CPS1: variants seen among roughly 807,000 people sequenced by gnomAD.
CPS1 encodes the protein carbamoyl-phosphate synthase 1.
Under a neutral mutation model 174.6 loss-of-function variants are expected in CPS1, and 109 were observed. That is an observed-to-expected ratio of 0.62 (90% CI 0.53 to 0.73). The LOEUF is 0.73. CPS1 is among the 30% of genes least tolerant of loss of function. The probability of loss-of-function intolerance (pLI) is 0.00; values close to 1 mark genes in which losing one functional copy is unlikely to be tolerated. For synonymous variants in CPS1, 637 were observed against 632.0 expected (o/e 1.01, Z -0.12); for missense variants, 1,689 against 1,821.9 (o/e 0.93, Z 1.33).
In CPS1 at chr2:210,599,413, A is replaced by G. The variant is rs769809767; in HGVS notation, c.1401A>G (p.Ala467=). 4 of 1,612,524 alleles carry G rather than the reference A, an allele frequency of 2.5e-6. No homozygotes were observed. Among genetic ancestry groups the G allele is most frequent in the Non-Finnish European group, 2.5e-6 (3 of 1,178,998 alleles). The change falls in exon 14 of 38, where the codon GCA becomes GCG. Residue 467 remains alanine (A), a synonymous_variant. Coordinates refer to ENST00000233072, the MANE Select transcript of CPS1 (RefSeq NM_001875.5). Reference sequence around the variant, plus strand: ...CTGTTCTGATGAACCCAAACATTGCATCAGTCCAGACCAATGAGGTGGGCT... The same window carrying G: ...CTGTTCTGATGAACCCAAACATTGCGTCAGTCCAGACCAATGAGGTGGGCT... ...VKTVLMNPNI[A]SVQTNEVGLK...
intron 1 of CPS1, among the ~76,000 whole-genome samples, chr2:210,497,893 CATATATATATATAT>C (rs59178446): frequency 2.3e-5 from 2 of 86,940 alleles, no homozygotes; most frequent in Non-Finnish European, 4.6e-5. Flanking sequence ...TATATACATA[CATATATATATATAT>C]ATATATATAT....
intron 1 of CPS1, among the ~76,000 whole-genome samples, chr2:210,490,443 A>G (rs975744676): frequency 6.6e-6 from 1 of 152,212 alleles, no homozygotes; most frequent in African/African-American, 2.4e-5. Context: ...ATCCATAAGT[A>G]TGTACCAAGT....
chr2:210,492,206 T>G (rs780978442), intron 1 of CPS1, among the ~76,000 whole-genome samples: 5 of 152,344 alleles, frequency 3.3e-5, no homozygotes, highest in Middle Eastern at 6.8e-3. Flanking sequence ...ATAGCAGCAT[T>G]TGCTGGCTGG....
intron 6 of CPS1, among the ~76,000 whole-genome samples, chr2:210,586,977 A>G (rs1321395303): frequency 6.6e-6 from 1 of 152,052 alleles, no homozygotes; most frequent in Non-Finnish European, 1.5e-5. Context: ...AAGGTTAAGA[A>G]AAGATCTATA....
chr2:210,672,951 GCTCAGAAA>G (rs1374437806), intron 34 of CPS1: 1 of 152,144 alleles, frequency 6.6e-6, no homozygotes, highest in Non-Finnish European at 1.5e-5. Flanking sequence ...TTAGATCTGT[GCTCAGAAA>G]TACTCTGCAA....
chr2:210,615,416 GTC>G (rs921980479), intron 20 of CPS1, among the ~76,000 whole-genome samples: 1 of 151,846 alleles, frequency 6.6e-6, no homozygotes, highest in African/African-American at 2.4e-5. Flanking sequence ...TATAATCATG[GTC>G]TCTCTGATAC....
intron 1 of CPS1, among the ~76,000 whole-genome samples, chr2:210,494,112 T>C (rs1185144494): frequency 2.0e-5 from 3 of 152,204 alleles, no homozygotes; most frequent in Non-Finnish European, 4.4e-5. Flanking sequence ...GAAGGTAGCT[T>C]GGCATCTGCT....
intron 1 of CPS1, among the ~76,000 whole-genome samples, chr2:210,517,334 G>A (rs1160016176): frequency 6.6e-6 from 1 of 151,904 alleles, no homozygotes; most frequent in South Asian, 2.1e-4. Flanking sequence ...GCTAGCACAG[G>A]CATAGGTCAG....
chr2:210,554,678 T>C (rs528825701), upstream of CPS1, among the ~76,000 whole-genome samples: 9 of 152,012 alleles, frequency 5.9e-5, no homozygotes, highest in African/African-American at 2.2e-4. Context: ...CACACCAGCA[T>C]GGCACATGTA....
intron 1 of CPS1, among the ~76,000 whole-genome samples, chr2:210,518,795 G>GT (rs1423980655): frequency 6.6e-6 from 1 of 152,046 alleles, no homozygotes; most frequent in East Asian, 1.9e-4. Context: ...TGACAATTAC[G>GT]TGTTTCCTAA....
intron 2 of CPS1, among the ~76,000 whole-genome samples, chr2:210,575,329 AG>A (rs1697656585): frequency 6.6e-6 from 1 of 152,062 alleles, no homozygotes; most frequent in Admixed American, 6.6e-5. Flanking sequence ...TCCACAAAAA[AG>A]GATTTAGCTT....
chr2:210,652,402 G>A (rs1700585343), intron 28 of CPS1, among the ~76,000 whole-genome samples: 1 of 152,142 alleles, frequency 6.6e-6, no homozygotes, highest in African/African-American at 2.4e-5. Flanking sequence ...AGAGGTGAGT[G>A]AGTTGTTGCT....
At chr2:210,665,295 G>A (rs1268550389) in intron 33 of CPS1, among the ~76,000 whole-genome samples, 1 of 151,678 alleles carries the variant, frequency 6.6e-6, no homozygotes, top group African/African-American at 2.4e-5. Flanking sequence ...AATGAATTTA[G>A]CCATCAGTGG....
chr2:210,631,572 T>G (rs1488525625), intron 21 of CPS1, among the ~76,000 whole-genome samples: 1 of 152,176 alleles, frequency 6.6e-6, no homozygotes, highest in African/African-American at 2.4e-5. Flanking sequence ...TTTAAGACAT[T>G]TTTTTCACCT....
intron 1 of CPS1, among the ~76,000 whole-genome samples, chr2:210,493,384 A>G (rs1694917467): frequency 6.6e-6 from 1 of 152,180 alleles, no homozygotes; most frequent in African/African-American, 2.4e-5. Context: ...AAAGTAATAC[A>G]ATTTTTCTTC....
chr2:210,535,462 T>C (rs1021739613), intron 1 of CPS1, among the ~76,000 whole-genome samples: 2 of 152,218 alleles, frequency 1.3e-5, no homozygotes, highest in Non-Finnish European at 2.9e-5. Flanking sequence ...AGTTTTATAC[T>C]ATAAATGCTA....
intron 21 of CPS1, among the ~76,000 whole-genome samples, chr2:210,631,751 A>G (rs1221828183): frequency 1.3e-5 from 2 of 152,200 alleles, no homozygotes; most frequent in Non-Finnish European, 2.9e-5. Flanking sequence ...AGCAAGGCAA[A>G]CTGGCACGGG....
At position 210,608,404 on chromosome 2, in the gene CPS1, C is replaced by T; in HGVS notation, c.2236C>T (p.Pro746Ser). The T allele has an allele frequency of 6.2e-7, 1 of 1,612,314 alleles. No homozygotes were observed. Among genetic ancestry groups the T allele is most frequent in the Non-Finnish European group, 8.5e-7 (1 of 1,178,874 alleles). ...TGCTGCAAAGATTGCCCTAGGAATCCCACTTCCAGAAATTAAGAACGTCGT... is the reference window on the plus strand; with the variant it reads ...TGCTGCAAAGATTGCCCTAGGAATCTCACTTCCAGAAATTAAGAACGTCGT... ...FIAAKIALGI[P>S]LPEIKNVVSG... The change falls in exon 19 of 38, where the codon CCA (proline) becomes TCA (serine). Residue 746 changes from proline to serine, a missense_variant. Transcript: ENST00000233072.
chr2:210,635,179 G>A (rs1413512888), intron 21 of CPS1, among the ~76,000 whole-genome samples: 2 of 152,042 alleles, frequency 1.3e-5, no homozygotes. Flanking sequence ...TCCTGACCTC[G>A]TGATTCACCC....
Sources: allele counts gnomAD v4.1 joint callset (sites outside exome capture counted in the v4.1 genomes callset), GRCh38; gene constraint gnomAD v4.1.1; transcripts MANE v1.5; gene names NCBI Gene and HGNC (gene_info 2026-07-23, HGNC 2026-07-21).